The following SAMD12 variants were observed in gnomAD, a reference collection of about 807,000 sequenced individuals.
The protein encoded by SAMD12 is sterile alpha motif domain containing 12.
SAMD12 carries 9 observed loss-of-function variants against 15.0 expected under a neutral mutation model. The ratio of observed to expected loss-of-function variants is 0.60; its 90% CI spans 0.36 to 1.05. SAMD12 has a LOEUF of 1.05. Among genes scored for constraint, SAMD12 ranks in the 50% least tolerant of loss-of-function variants. SAMD12 has a pLI of 0.01. For synonymous variants in SAMD12, 86 were observed against 90.1 expected (o/e 0.96, Z 0.25); for missense variants, 230 against 234.2 (o/e 0.98, Z 0.12).
At chr8:118,533,975 T>TC (rs1825762622) in intron 2 of SAMD12, among the ~76,000 whole-genome samples, 1 of 152,236 alleles carries the variant, frequency 6.6e-6, no homozygotes, top group Non-Finnish European at 1.5e-5. Context: ...GTGAATTTGA[T>TC]CCTGTCGTTA....
At chr8:118,180,198 CT>C in the SAMD12 span, among the ~76,000 whole-genome samples, 1 of 152,170 alleles carries the variant, frequency 6.6e-6, no homozygotes, top group African/African-American at 2.4e-5. Context: ...CTAGGATCAG[CT>C]GGAGAACTAG....
chr8:118,372,663 T>TC (rs2130686180), intron 4 of SAMD12, among the ~76,000 whole-genome samples: 1 of 152,232 alleles, frequency 6.6e-6, no homozygotes, highest in African/African-American at 2.4e-5. Flanking sequence ...GCAGCTTTCT[T>TC]TGTGTCAAAC....
At chr8:118,560,434 C>T (rs908651906) in intron 2 of SAMD12, among the ~76,000 whole-genome samples, 10 of 152,170 alleles carry the variant, frequency 6.6e-5, no homozygotes, top group African/African-American at 2.4e-4. Context: ...TACTACCCTT[C>T]CACCCATTTG....
the SAMD12 span, among the ~76,000 whole-genome samples, chr8:118,162,081 A>G: frequency 6.6e-6 from 1 of 151,012 alleles, no homozygotes; most frequent in South Asian, 2.1e-4. Flanking sequence ...AATCACTTGT[A>G]CCTGGAAGGC....
chr8:118,304,649 A>G (rs181661341), intron 4 of SAMD12, among the ~76,000 whole-genome samples: 38 of 151,716 alleles, frequency 2.5e-4, no homozygotes, highest in Admixed American at 2.4e-3. Flanking sequence ...AGTCCCAGAT[A>G]CTCGGGAGGC....
the SAMD12 span, among the ~76,000 whole-genome samples, chr8:118,183,190 C>A: frequency 6.6e-6 from 1 of 152,210 alleles, no homozygotes; most frequent in Non-Finnish European, 1.5e-5. Flanking sequence ...TAGAATAAAT[C>A]ATGACCACCT....
At chr8:118,538,832 T>C (rs1247634725) in intron 2 of SAMD12, among the ~76,000 whole-genome samples, 6 of 152,262 alleles carry the variant, frequency 3.9e-5, no homozygotes, top group African/African-American at 7.2e-5. Context: ...TACTCAGCCA[T>C]CCTGCTCTGC....
chr8:118,240,721 C>T (rs917293888), intron 4 of SAMD12, among the ~76,000 whole-genome samples: 3 of 151,708 alleles, frequency 2.0e-5, no homozygotes, highest in Non-Finnish European at 2.9e-5. Context: ...CTTAAAGTGC[C>T]GACTACAAGC....
chr8:118,528,662 C>T (rs907384892), intron 2 of SAMD12, among the ~76,000 whole-genome samples: 1 of 152,214 alleles, frequency 6.6e-6, no homozygotes, highest in Admixed American at 6.5e-5. Flanking sequence ...AACCATGTAG[C>T]TATCAGGACA....
chr8:118,216,708 A>G (rs1811968851), intron 4 of SAMD12, among the ~76,000 whole-genome samples: 1 of 152,212 alleles, frequency 6.6e-6, no homozygotes, highest in Non-Finnish European at 1.5e-5. Flanking sequence ...TAGGGATATG[A>G]GTATCATAGC....
intron 2 of SAMD12, among the ~76,000 whole-genome samples, chr8:118,576,274 T>A (rs1187325672): frequency 1.3e-5 from 2 of 152,186 alleles, no homozygotes; most frequent in African/African-American, 4.8e-5. Flanking sequence ...TTTATTCAAT[T>A]TAAATAAATC....
chr8:118,395,195 C>A (rs746488449), intron 3 of SAMD12, among the ~76,000 whole-genome samples: 4 of 152,128 alleles, frequency 2.6e-5, no homozygotes, highest in Non-Finnish European at 4.4e-5. Context: ...AGCAATGTGA[C>A]CCTTTATACC....
intron 3 of SAMD12, among the ~76,000 whole-genome samples, chr8:118,437,610 A>G (rs944571735): frequency 2.0e-5 from 3 of 152,180 alleles, no homozygotes; most frequent in Admixed American, 6.5e-5. Flanking sequence ...TAGTGAGGTT[A>G]AGTAACTTGC....
exon 5 of SAMD12, chr8:118,195,752 C>G (rs1335386537): frequency 6.6e-6 from 1 of 152,294 alleles, no homozygotes; most frequent in Non-Finnish European, 1.5e-5. Context: ...GCTTTGTGGA[C>G]TGTTGTTGCC....
rs933206394 is a variant in SAMD12, at chr8:118,567,034, A to G, written c.192+13681T>C. The stretch of plus-strand genomic sequence containing the variant: ...CCTGAGGATAAAGGTGATAGCAAAA[A>G]TAACAATAGTAAAAATCTCATATAG... On this transcript the variant is annotated intron_variant, in intron 2 of 3. Transcript: ENST00000314727. Among the ~76,000 whole-genome samples the G allele has an allele frequency of 3.0e-4, 46 of 152,346 alleles. 1 individual carries two copies. The highest frequency in any genetic ancestry group is 1.1e-3 in the African/African-American group (44 of 41,586).
intron 4 of SAMD12, among the ~76,000 whole-genome samples, chr8:118,250,469 A>G (rs1166229971): frequency 6.6e-6 from 1 of 151,906 alleles, no homozygotes; most frequent in East Asian, 1.9e-4. Context: ...TACCCCAAGG[A>G]TTAAAGTATA....
chr8:118,284,162 C>G, intron 4 of SAMD12: 1 of 408,010 alleles, frequency 2.5e-6, no homozygotes, highest in South Asian at 1.8e-5. Context: ...TTATGATAAC[C>G]CCGATGGCCA....
chr8:118,416,427 A>G (rs1451661919), intron 3 of SAMD12, among the ~76,000 whole-genome samples: 1 of 152,214 alleles, frequency 6.6e-6, no homozygotes. Context: ...TTTACTTAGT[A>G]TATCTCTAAC....
intron 4 of SAMD12, among the ~76,000 whole-genome samples, chr8:118,263,952 C>T: frequency 6.6e-6 from 1 of 152,120 alleles, no homozygotes; most frequent in East Asian, 1.9e-4. Flanking sequence ...TGGTTTTCAT[C>T]ATGCAATTTG....
Sources: allele counts gnomAD v4.1 joint callset (sites outside exome capture counted in the v4.1 genomes callset), GRCh38; gene constraint gnomAD v4.1.1; transcripts MANE v1.5; gene names NCBI Gene and HGNC (gene_info 2026-07-23, HGNC 2026-07-21).